The following CSGALNACT1 variants were observed in gnomAD, a reference collection of about 807,000 sequenced individuals.
The protein encoded by CSGALNACT1 is chondroitin sulfate N-acetylgalactosaminyltransferase 1, also known as beta4GalNAcT-1.
In CSGALNACT1, 52 loss-of-function variants were observed where a neutral mutation model predicts 51.0. The observed-to-expected ratio is 1.02, with a 90% confidence interval of 0.82 to 1.29. The LOEUF (loss-of-function observed/expected upper bound fraction) is 1.29. Among genes scored for constraint, CSGALNACT1 ranks in the 50% most tolerant of loss-of-function variants. The pLI is 0.00. For missense variants in CSGALNACT1, 935 were observed against 679.2 expected, an observed-to-expected ratio of 1.38 and a Z score of -4.19; for synonymous variants, 341 against 254.4, an observed-to-expected ratio of 1.34 and a Z score of -3.24.
intron 3 of CSGALNACT1, among the ~76,000 whole-genome samples, chr8:19,540,826 A>T (rs1231082764): frequency 1.3e-5 from 2 of 152,098 alleles, no homozygotes; most frequent in African/African-American, 2.4e-5. Flanking sequence ...TGCTGGAATA[A>T]TCCCCATACA....
chr8:19,651,588 T>C lies in CSGALNACT1; in HGVS notation c.-544+30885A>G, dbSNP rs148602428. On this transcript the variant is annotated intron_variant, in intron 1 of 9. Coordinates refer to the CSGALNACT1 transcript ENST00000332246. Reference sequence around the variant, plus strand: ...GCTCCATACTTGTTGCTGCAAAGGATAGGATTTTGTTTTTTTTATGGATGC... The same window carrying C: ...GCTCCATACTTGTTGCTGCAAAGGACAGGATTTTGTTTTTTTTATGGATGC... 4.0e-4 allele frequency among the ~76,000 whole-genome samples: 61 copies of C among 152,290 alleles called. 1 individual carries two copies. Among genetic ancestry groups the C allele is most frequent in the South Asian group, 1.4e-3 (7 of 4,830 alleles).
chr8:19,408,730 T>C, intron 8 of CSGALNACT1, 36 bp from the exon 8 acceptor site: 1 of 1,591,842 alleles, frequency 6.3e-7, no homozygotes, highest in Non-Finnish European at 8.6e-7. Context: ...GGGGAAAGTT[T>C]AGGGTGGACA....
chr8:19,677,034 G>A (rs11780937), intron 1 of CSGALNACT1, among the ~76,000 whole-genome samples: 61,384 of 151,860 alleles, frequency 0.4, 12,972 homozygotes, highest in Middle Eastern at 0.5. Context: ...AGAAAGGAGA[G>A]GGAGTGTAGA....
intron 1 of CSGALNACT1, among the ~76,000 whole-genome samples, chr8:19,633,615 T>G (rs927725021): frequency 6.6e-6 from 1 of 152,220 alleles, no homozygotes. Flanking sequence ...CGTTGGAAGC[T>G]GGGAGGAGGC....
chr8:19,745,584 C>T (rs891681131), intron 1 of CSGALNACT1, among the ~76,000 whole-genome samples: 1 of 152,166 alleles, frequency 6.6e-6, no homozygotes, highest in Non-Finnish European at 1.5e-5. Flanking sequence ...AAGCTAAGGT[C>T]ATTTAGAGTC....
At chr8:19,682,764 C>T, upstream of CSGALNACT1, 1 of 454,100 alleles carries the variant, frequency 2.2e-6, no homozygotes, top group Non-Finnish European at 4.4e-6. Flanking sequence ...ACAAGCCCGT[C>T]TGCCCAAGTT....
At chr8:19,725,387 T>C (rs545461224) in intron 1 of CSGALNACT1, among the ~76,000 whole-genome samples, 14 of 152,204 alleles carry the variant, frequency 9.2e-5, no homozygotes, top group African/African-American at 3.1e-4. Context: ...ATACCTGAAT[T>C]TCATTAAAGA....
At chr8:19,616,370 A>G (rs2053008444) in intron 1 of CSGALNACT1, among the ~76,000 whole-genome samples, 2 of 152,150 alleles carry the variant, frequency 1.3e-5, no homozygotes, top group Non-Finnish European at 2.9e-5. Flanking sequence ...GACCCAGACA[A>G]ATACCATCCC....
intron 1 of CSGALNACT1, among the ~76,000 whole-genome samples, chr8:19,668,817 T>C (rs2059575940): frequency 6.6e-6 from 1 of 152,224 alleles, no homozygotes; most frequent in African/African-American, 2.4e-5. Context: ...CCTCACAAAG[T>C]GCTGGGATTA....
At chr8:19,605,389 C>G (rs576056936), upstream of CSGALNACT1, among the ~76,000 whole-genome samples, 2 of 151,980 alleles carry the variant, frequency 1.3e-5, no homozygotes, top group Admixed American at 1.3e-4. Context: ...TGAGCTGAGA[C>G]GGTGCCACTG....
chr8:19,437,659 T>C (rs1252270858), intron 6 of CSGALNACT1, among the ~76,000 whole-genome samples: 1 of 152,230 alleles, frequency 6.6e-6, no homozygotes, highest in African/African-American at 2.4e-5. Context: ...GGTATAGGTA[T>C]AGGTATATAC....
At chr8:19,410,904 C>T (rs1323687894) in intron 8 of CSGALNACT1, among the ~76,000 whole-genome samples, 1 of 152,194 alleles carries the variant, frequency 6.6e-6, no homozygotes, top group Non-Finnish European at 1.5e-5. Context: ...TGTGCTGGGT[C>T]GCTAACTGGA....
At chr8:19,740,740 T>C (rs912642737) in intron 1 of CSGALNACT1, among the ~76,000 whole-genome samples, 1 of 152,126 alleles carries the variant, frequency 6.6e-6, no homozygotes, top group Non-Finnish European at 1.5e-5. Context: ...TAGTTAACAA[T>C]ATTTGAAAAA....
At chr8:19,685,398 G>T (rs1279627010), upstream of CSGALNACT1, among the ~76,000 whole-genome samples, 2 of 152,168 alleles carry the variant, frequency 1.3e-5, no homozygotes, top group African/African-American at 4.8e-5. Context: ...TAACCAGGAG[G>T]CTGAGATGGG....
intron 4 of CSGALNACT1, among the ~76,000 whole-genome samples, chr8:19,497,084 A>T (rs1358127833): frequency 1.3e-5 from 2 of 152,290 alleles, no homozygotes; most frequent in East Asian, 3.9e-4. Flanking sequence ...GCAGCTGAGG[A>T]AGGCGGAGTG....
intron 4 of CSGALNACT1, among the ~76,000 whole-genome samples, chr8:19,499,456 A>G (rs1235370369): frequency 6.6e-6 from 1 of 152,204 alleles, no homozygotes; most frequent in Non-Finnish European, 1.5e-5. Context: ...CCACCCAAAA[A>G]CAAATAAATA....
intron 3 of CSGALNACT1, among the ~76,000 whole-genome samples, chr8:19,586,251 T>C (rs1272669451): frequency 6.6e-6 from 1 of 151,674 alleles, no homozygotes. Context: ...CCCAGCTACT[T>C]GGGAGGCTGA....
chr8:19,643,604 C>G (rs754399016), intron 1 of CSGALNACT1, among the ~76,000 whole-genome samples: 1 of 150,826 alleles, frequency 6.6e-6, no homozygotes, highest in Non-Finnish European at 1.5e-5. Context: ...CACCACTGCA[C>G]TCCAGCCTGG....
At chr8:19,546,330 T>C (rs1351526767) in intron 3 of CSGALNACT1, among the ~76,000 whole-genome samples, 1 of 152,194 alleles carries the variant, frequency 6.6e-6, no homozygotes, top group Admixed American at 6.5e-5. Context: ...GCTTTTATTT[T>C]CCCTTCTCCA....
Sources: gnomAD v4.1 joint callset for allele counts (sites outside exome capture counted in the v4.1 genomes callset) on GRCh38, gnomAD v4.1.1 for gene constraint, MANE v1.5 for transcripts, NCBI Gene and HGNC (gene_info 2026-07-23, HGNC 2026-07-21) for gene names.